ATP2B2: variants seen among roughly 807,000 people sequenced by gnomAD.
ATP2B2 encodes ATPase plasma membrane Ca2+ transporting 2.
In ATP2B2, 15 loss-of-function variants were observed where a neutral mutation model predicts 120.0. The ratio of observed to expected loss-of-function variants is 0.12; its 90% CI spans 0.08 to 0.19. The LOEUF (loss-of-function observed/expected upper bound fraction) is 0.19, where lower values mean the gene tolerates loss of function less well. Ranked by LOEUF, ATP2B2 falls within the 10% of genes least tolerant of loss-of-function variation. ATP2B2 has a pLI of 1.00. For missense variants in ATP2B2, 1,045 were observed against 1,719.8 expected, an observed-to-expected ratio of 0.61 and a Z score of 6.94; for synonymous variants, 694 against 700.3, an observed-to-expected ratio of 0.99 and a Z score of 0.14.
intron 2 of ATP2B2, among the ~76,000 whole-genome samples, chr3:10,554,506 G>T (rs1226305383): frequency 6.6e-6 from 1 of 152,218 alleles, no homozygotes; most frequent in African/African-American, 2.4e-5. Flanking sequence ...AGAAGATTCA[G>T]TGTCTGTGAA....
At chr3:10,701,517 G>C (rs961517666) in intron 1 of ATP2B2, among the ~76,000 whole-genome samples, 1 of 152,108 alleles carries the variant, frequency 6.6e-6, no homozygotes, top group Admixed American at 6.5e-5. Flanking sequence ...TGTACCCATC[G>C]TTGTTGTTGA....
chr3:10,688,159 T>C (rs971850272), intron 1 of ATP2B2, among the ~76,000 whole-genome samples: 1 of 152,132 alleles, frequency 6.6e-6, no homozygotes, highest in Non-Finnish European at 1.5e-5. Flanking sequence ...GTTTCTCCAA[T>C]TGTGAGAGAG....
In ATP2B2 at chr3:10,347,185, C is replaced by G. The variant is rs1378159956; in HGVS notation, c.2405-1048G>C. Among the ~76,000 whole-genome samples the G allele has an allele frequency of 6.6e-5, 10 of 152,206 alleles. No individual in the cohort carries two copies. The highest frequency in any genetic ancestry group is 2.4e-4 in the African/African-American group (10 of 41,448). On this transcript the variant is annotated intron_variant, in intron 16 of 22. Transcript: ENST00000360273. This position sits in a 1 kb window ranked among gnomAD's most constrained non-coding sequence, Gnocchi z 5.2. ...CTCACATCCTGACCTCTTCTCTTCT[C>G]TCATCCCCTGGCCACCCCCAATCTG...
Position 10,436,075 on chromosome 3 carries a change from C to T in ATP2B2, c.199+13270G>A, listed in dbSNP as rs572223081. Among the ~76,000 whole-genome samples the T allele has an allele frequency of 7.9e-5, 12 of 152,274 alleles. No homozygotes were observed. In the South Asian group the frequency reaches 2.5e-3, roughly 32 times the overall value. ...TGATCAAGCTAGGCCAATCACCTCC[C>T]AGGGATGCTGTCTCCTGGGACGTAG... On this transcript the variant is annotated intron_variant, in intron 2 of 22. Transcript: ENST00000360273.
intron 1 of ATP2B2, among the ~76,000 whole-genome samples, chr3:10,476,125 G>A (rs994463316): frequency 1.3e-5 from 2 of 148,720 alleles, no homozygotes; most frequent in Admixed American, 6.8e-5. Flanking sequence ...TGCAAAATTC[G>A]CATAATCATA....
intron 2 of ATP2B2, among the ~76,000 whole-genome samples, chr3:10,545,577 A>T (rs2067528356): frequency 1.3e-5 from 2 of 152,080 alleles, no homozygotes; most frequent in Non-Finnish European, 2.9e-5. Flanking sequence ...AACAAAATTT[A>T]AAAACCCAAC....
chr3:10,654,137 T>C (rs964682542), intron 1 of ATP2B2, among the ~76,000 whole-genome samples: 7 of 152,150 alleles, frequency 4.6e-5, no homozygotes, highest in Non-Finnish European at 8.8e-5. Context: ...TTTTTAAAGA[T>C]GAGAAAAGTG....
At chr3:10,387,229 C>A (rs1182869131) in intron 6 of ATP2B2, among the ~76,000 whole-genome samples, 2 of 152,220 alleles carry the variant, frequency 1.3e-5, no homozygotes, top group Admixed American at 1.3e-4. Flanking sequence ...TCTAATTTCC[C>A]AGAACACAGC....
chr3:10,377,562 T>C (rs936336094), intron 10 of ATP2B2, among the ~76,000 whole-genome samples: 19 of 152,220 alleles, frequency 1.2e-4, no homozygotes, highest in African/African-American at 4.3e-4. Flanking sequence ...ACTTTGCAGC[T>C]GGGCCAGCGG....
chr3:10,457,747 A>C (rs2064323797), intron 1 of ATP2B2, among the ~76,000 whole-genome samples: 1 of 152,146 alleles, frequency 6.6e-6, no homozygotes, highest in Non-Finnish European at 1.5e-5. Flanking sequence ...TGAATACCTC[A>C]GAAGCAAATT....
chr3:10,669,774 C>T (rs1245205726), intron 1 of ATP2B2, among the ~76,000 whole-genome samples: 1 of 152,122 alleles, frequency 6.6e-6, no homozygotes, highest in Non-Finnish European at 1.5e-5. Context: ...ACCCCCACCC[C>T]CCAGAGACAG....
At position 10,469,896 on chromosome 3, in the gene ATP2B2, C is replaced by T. The variant is rs368392540; in HGVS notation, c.-319-20034G>A. 4.4e-4 allele frequency among the ~76,000 whole-genome samples: 67 copies of T among 152,088 alleles called. No individual in the cohort carries two copies. In the East Asian group the frequency reaches 5.1e-3, roughly 11 times the overall value. The stretch of plus-strand genomic sequence containing the variant: ...CCTGACACCCAAGCCTCCCAGCTCG[C>T]GCCTTGGTTGCCTGGCAACCATGCA... On this transcript the variant is annotated intron_variant, in intron 1 of 22. Transcript: ENST00000360273.
At chr3:10,483,973 A>T (rs1273913096) in intron 1 of ATP2B2, among the ~76,000 whole-genome samples, 1 of 152,158 alleles carries the variant, frequency 6.6e-6, no homozygotes, top group Non-Finnish European at 1.5e-5. Context: ...AAGAACAAAG[A>T]AAGATGCCCC....
intron 2 of ATP2B2, among the ~76,000 whole-genome samples, chr3:10,595,648 C>T (rs2068748126): frequency 0.013 from 1 of 80 alleles, no homozygotes; most frequent in African/African-American, 0.042. Context: ...AAACAGACCA[C>T]ATTGCGCTTC....
At chr3:10,629,530 G>A (rs1365284018) in intron 1 of ATP2B2, among the ~76,000 whole-genome samples, 3 of 152,170 alleles carry the variant, frequency 2.0e-5, no homozygotes, top group Admixed American at 6.5e-5. Context: ...GACCACAGGC[G>A]TCGTCTCAGC....
chr3:10,588,275 T>C (rs921935289), intron 2 of ATP2B2, among the ~76,000 whole-genome samples: 1 of 152,198 alleles, frequency 6.6e-6, no homozygotes, highest in East Asian at 1.9e-4. Context: ...TCTCTAGACA[T>C]TGCCAAATGT....
chr3:10,582,566 C>T (rs1217405676), intron 2 of ATP2B2, among the ~76,000 whole-genome samples: 3 of 152,170 alleles, frequency 2.0e-5, no homozygotes, highest in East Asian at 3.8e-4. Context: ...GAATCCTGCA[C>T]GTGTGGTTGG....
intron 3 of ATP2B2, among the ~76,000 whole-genome samples, chr3:10,518,449 AGG>A (rs1403212720): frequency 6.6e-6 from 1 of 152,178 alleles, no homozygotes. Flanking sequence ...TAGAAGGGAT[AGG>A]GGAGGCATTC....
intron 1 of ATP2B2, among the ~76,000 whole-genome samples, chr3:10,454,890 A>G (rs1183281924): frequency 1.3e-5 from 2 of 151,890 alleles, no homozygotes; most frequent in African/African-American, 4.8e-5. Context: ...GCCTTTCCTG[A>G]CCACCTAGAC....
Sources: allele counts gnomAD v4.1 joint callset (sites outside exome capture counted in the v4.1 genomes callset), GRCh38; gene constraint gnomAD v4.1.1; non-coding constraint Gnocchi (gnomAD v3.1); transcripts MANE v1.5; gene names NCBI Gene and HGNC (gene_info 2026-07-23, HGNC 2026-07-21).